Variants in KIAA1328 observed in about 807,000 individuals in gnomAD.
KIAA1328 encodes the protein KIAA1328.
In KIAA1328, 52 loss-of-function variants were observed where a neutral mutation model predicts 68.1. The ratio of observed to expected loss-of-function variants is 0.76; its 90% CI spans 0.61 to 0.96. The LOEUF (loss-of-function observed/expected upper bound fraction) is 0.96. KIAA1328 is among the 40% of genes least tolerant of loss of function. The probability of loss-of-function intolerance (pLI) is 0.00; values close to 1 mark genes in which losing one functional copy is unlikely to be tolerated. For synonymous variants in KIAA1328, 232 were observed against 239.4 expected (o/e 0.97, Z 0.28); for missense variants, 641 against 677.6 (o/e 0.95, Z 0.60).
chr18:36,868,460 G>C, intron 4 of KIAA1328, among the ~76,000 whole-genome samples: 1 of 152,144 alleles, frequency 6.6e-6, no homozygotes, highest in East Asian at 1.9e-4. Flanking sequence ...AAAAATGAAT[G>C]GCTTTGCAAA....
chr18:36,855,968 A>T (rs1335982197), intron 4 of KIAA1328, among the ~76,000 whole-genome samples: 1 of 151,814 alleles, frequency 6.6e-6, no homozygotes, highest in Non-Finnish European at 1.5e-5. Context: ...ATTGTTAGTT[A>T]ACAGGATTTT....
intron 6 of KIAA1328, among the ~76,000 whole-genome samples, chr18:37,014,195 G>A (rs1322304175): frequency 2.0e-5 from 3 of 152,066 alleles, no homozygotes; most frequent in African/African-American, 7.2e-5. Flanking sequence ...ATGGCATTTG[G>A]TTTTTGCTTG....
chr18:36,839,811 T>A (rs1347608667), intron 3 of KIAA1328, among the ~76,000 whole-genome samples: 1 of 152,194 alleles, frequency 6.6e-6, no homozygotes, highest in Non-Finnish European at 1.5e-5. Context: ...CTGATGCCCC[T>A]TAAATTACAA....
At chr18:36,829,248 AG>A in intron 1 of KIAA1328, 52 bp downstream of exon 1, 1 of 1,465,982 alleles carries the variant, frequency 6.8e-7, no homozygotes, top group Non-Finnish European at 9.0e-7. Context: ...CGGGACGGCG[AG>A]GGGCGAGCCG....
intron 9 of KIAA1328, among the ~76,000 whole-genome samples, chr18:37,191,246 TA>T (rs2059899453): frequency 6.6e-6 from 1 of 152,218 alleles, no homozygotes; most frequent in Non-Finnish European, 1.5e-5. Flanking sequence ...CTTCTTTTTT[TA>T]AATTTAACTT....
chr18:37,229,585 A>G (rs2060655501), downstream of KIAA1328: 6 of 1,277,518 alleles, frequency 4.7e-6, no homozygotes, highest in Non-Finnish European at 6.1e-6. Flanking sequence ...TTCAAGAAGT[A>G]TCAAGTCCAT....
chr18:37,218,626 C>T (rs765620371), intron 9 of KIAA1328, among the ~76,000 whole-genome samples: 35 of 152,202 alleles, frequency 2.3e-4, no homozygotes, highest in Admixed American at 3.9e-4. Context: ...CTTATGCATG[C>T]GTCACGTAGT....
chr18:36,830,125 C>G (rs904529867), intron 1 of KIAA1328, among the ~76,000 whole-genome samples: 9 of 152,178 alleles, frequency 5.9e-5, no homozygotes, highest in African/African-American at 2.2e-4. Flanking sequence ...TTGCTGTTAC[C>G]TTTGGCAGAA....
At chr18:37,124,511 A>G (rs2058346248) in intron 7 of KIAA1328, among the ~76,000 whole-genome samples, 1 of 152,076 alleles carries the variant, frequency 6.6e-6, no homozygotes, top group Non-Finnish European at 1.5e-5. Flanking sequence ...CCTACAATCC[A>G]TCCTATACAA....
intron 7 of KIAA1328, among the ~76,000 whole-genome samples, chr18:37,079,415 G>C (rs1305608676): frequency 4.2e-5 from 6 of 143,800 alleles, no homozygotes; most frequent in Non-Finnish European, 6.0e-5. Context: ...CACCAGCATG[G>C]CACATGTATA....
chr18:36,879,825 A>G (rs2162388), intron 4 of KIAA1328, among the ~76,000 whole-genome samples: 40,431 of 152,014 alleles, frequency 0.27, 8,436 homozygotes, highest in African/African-American at 0.58. Context: ...CTTTGTTTAC[A>G]CTCTGAGGAG....
chr18:37,016,587 G>A (rs943181562), intron 6 of KIAA1328, among the ~76,000 whole-genome samples: 2 of 152,068 alleles, frequency 1.3e-5, no homozygotes, highest in African/African-American at 4.8e-5. Context: ...AATCCATCTG[G>A]TCTGGGGCTT....
intron 4 of KIAA1328, among the ~76,000 whole-genome samples, chr18:36,877,566 TTTA>T (rs2048174422): frequency 1.3e-5 from 2 of 149,960 alleles, no homozygotes; most frequent in Non-Finnish European, 3.0e-5. Context: ...CCTTCATCCC[TTTA>T]TTTTGAGCCT....
At chr18:37,213,385 G>A (rs2060356451) in intron 9 of KIAA1328, among the ~76,000 whole-genome samples, 1 of 152,212 alleles carries the variant, frequency 6.6e-6, no homozygotes, top group African/African-American at 2.4e-5. Context: ...ACCTATGAGT[G>A]AGAATATGCG....
intron 4 of KIAA1328, among the ~76,000 whole-genome samples, chr18:36,878,197 G>T (rs951755626): frequency 1.3e-5 from 2 of 152,066 alleles, no homozygotes; most frequent in African/African-American, 4.8e-5. Flanking sequence ...CTTCCTTCAG[G>T]GGCTCTTGTA....
At chr18:36,980,069 G>T (rs2052623178) in intron 6 of KIAA1328, among the ~76,000 whole-genome samples, 1 of 152,180 alleles carries the variant, frequency 6.6e-6, no homozygotes, top group African/African-American at 2.4e-5. Context: ...CTCCTCACCA[G>T]TGGAGGCAGC....
intron 5 of KIAA1328, among the ~76,000 whole-genome samples, chr18:36,944,468 A>T (rs965147656): frequency 6.6e-6 from 1 of 152,066 alleles, no homozygotes; most frequent in Non-Finnish European, 1.5e-5. Flanking sequence ...GTTCCCAGCT[A>T]CTCAGGAGGC....
At chr18:36,863,627 G>A (rs184000994) in intron 4 of KIAA1328, among the ~76,000 whole-genome samples, 296 of 152,190 alleles carry the variant, frequency 1.9e-3, no homozygotes, top group Non-Finnish European at 3.2e-3. Flanking sequence ...CCTTTGCTGG[G>A]TTGGGTCTTC....
intron 4 of KIAA1328, among the ~76,000 whole-genome samples, chr18:36,868,467 C>T (rs1241340264): frequency 1.3e-5 from 2 of 152,050 alleles, no homozygotes; most frequent in East Asian, 3.8e-4. Flanking sequence ...AATGGCTTTG[C>T]AAAATACTAT....
Sources: gnomAD v4.1 joint callset for allele counts (sites outside exome capture counted in the v4.1 genomes callset) on GRCh38, gnomAD v4.1.1 for gene constraint, MANE v1.5 for transcripts, NCBI Gene and HGNC (gene_info 2026-07-23, HGNC 2026-07-21) for gene names.